The following CAST variants were observed in gnomAD, a reference collection of about 807,000 sequenced individuals.
The protein encoded by CAST is calpastatin, also known as MIR583 host.
In CAST, 76 loss-of-function variants were observed where a neutral mutation model predicts 119.6. That is an observed-to-expected ratio of 0.64 (90% CI 0.53 to 0.77). The LOEUF is 0.77. Ranked by LOEUF, CAST falls within the 30% of genes least tolerant of loss-of-function variation. The probability of loss-of-function intolerance (pLI) is 0.00; values close to 1 mark genes in which losing one functional copy is unlikely to be tolerated. For missense variants in CAST, 953 were observed against 946.5 expected (o/e 1.01, Z -0.09); for synonymous variants, 319 against 331.6 (o/e 0.96, Z 0.41).
chr5:96,403,679 A>T, the CAST span, among the ~76,000 whole-genome samples: 1 of 152,342 alleles, frequency 6.6e-6, no homozygotes, highest in East Asian at 1.9e-4. Flanking sequence ...ATTAGAAGAG[A>T]TGTAGGTAAT....
chr5:96,737,406 T>C (rs1488648082), intron 10 of CAST, among the ~76,000 whole-genome samples: 6 of 152,222 alleles, frequency 3.9e-5, no homozygotes, highest in Non-Finnish European at 8.8e-5. Flanking sequence ...ATAGAGATTT[T>C]TAGGGGTTCT....
the CAST span, among the ~76,000 whole-genome samples, chr5:96,401,549 T>C: frequency 1.3e-5 from 2 of 152,202 alleles, no homozygotes; most frequent in African/African-American, 2.4e-5. Context: ...AGCAACACTA[T>C]AAAGATAAAT....
chr5:96,233,161 T>C, the CAST span, among the ~76,000 whole-genome samples: 1 of 152,078 alleles, frequency 6.6e-6, no homozygotes, highest in African/African-American at 2.4e-5. Context: ...AAAATGCAAA[T>C]TGCTATATGT....
At chr5:96,762,196 G>A (rs773486422) in intron 24 of CAST, 78 bp from the exon 25 acceptor site, 40 of 789,978 alleles carry the variant, frequency 5.1e-5, no homozygotes, top group Non-Finnish European at 7.9e-5. Context: ...CTATCTTTAA[G>A]AGTTATAGTT....
chr5:96,580,738 C>A (rs1051290861), intron 1 of CAST, among the ~76,000 whole-genome samples: 2 of 152,172 alleles, frequency 1.3e-5, no homozygotes, highest in African/African-American at 4.8e-5. Context: ...AAGAGAATCA[C>A]TGAAAAATGA....
At chr5:96,509,959 C>A in the CAST span, among the ~76,000 whole-genome samples, 1 of 152,032 alleles carries the variant, frequency 6.6e-6, no homozygotes, top group Admixed American at 6.6e-5. Context: ...AGGAAAGAAA[C>A]AGCAATAAAG....
At chr5:96,317,726 A>C in the CAST span, among the ~76,000 whole-genome samples, 3 of 152,272 alleles carry the variant, frequency 2.0e-5, no homozygotes, top group Admixed American at 2.0e-4. Flanking sequence ...AGAAGCCCTG[A>C]CTTGGCATTT....
intron 1 of CAST, among the ~76,000 whole-genome samples, chr5:96,541,173 A>C (rs1038203712): frequency 6.6e-6 from 1 of 152,164 alleles, no homozygotes; most frequent in African/African-American, 2.4e-5. Flanking sequence ...GAAATCGTTT[A>C]TGTGTATCAT....
the CAST span, among the ~76,000 whole-genome samples, chr5:96,377,313 T>C: frequency 1.3e-5 from 2 of 152,190 alleles, no homozygotes; most frequent in Non-Finnish European, 2.9e-5. Flanking sequence ...AAGTCTACAG[T>C]AGTGTACAGT....
At chr5:96,323,005 G>A in the CAST span, among the ~76,000 whole-genome samples, 1 of 152,100 alleles carries the variant, frequency 6.6e-6, no homozygotes, top group African/African-American at 2.4e-5. Flanking sequence ...GTGAGTATAC[G>A]GTGGCATGAA....
chr5:96,000,175 T>G, the CAST span, among the ~76,000 whole-genome samples: 1 of 152,292 alleles, frequency 6.6e-6, no homozygotes, highest in African/African-American at 2.4e-5. Context: ...ATATGTGTTT[T>G]GCAAATACCT....
chr5:96,644,502 T>C (rs1278508343), intron 1 of CAST, among the ~76,000 whole-genome samples: 1 of 152,234 alleles, frequency 6.6e-6, no homozygotes, highest in African/African-American at 2.4e-5. Context: ...AAACATAAAA[T>C]TGTTTTTCTT....
chr5:96,287,700 C>T, the CAST span, among the ~76,000 whole-genome samples: 2 of 151,982 alleles, frequency 1.3e-5, no homozygotes, highest in Non-Finnish European at 2.9e-5. Flanking sequence ...AAAGTCCAGA[C>T]ACATCTAATA....
At chr5:96,538,331 A>G (rs1338258347) in intron 1 of CAST, among the ~76,000 whole-genome samples, 1 of 152,210 alleles carries the variant, frequency 6.6e-6, no homozygotes, top group East Asian at 1.9e-4. Flanking sequence ...ACGTAGCAAT[A>G]TGTGGATATG....
chr5:96,730,880 CGGAA>C lies in CAST; in HGVS notation c.630+21_630+24del, dbSNP rs762331211. The C allele has an allele frequency of 3.8e-6, 6 of 1,568,414 alleles. No homozygotes were observed. The African/African-American group carries it at 8.1e-5, about 21-fold the overall frequency. On this transcript the variant is annotated intron_variant, in intron 9 of 31. Transcript: ENST00000675179. The stretch of plus-strand genomic sequence containing the variant: ...GACAAGGTGAGCACACACAAGCAGA[CGGAA>C]ACGTGGGCCTCTGTGCTTCTCAAGT...
the CAST span, among the ~76,000 whole-genome samples, chr5:96,473,485 A>G: frequency 1.5e-4 from 23 of 152,256 alleles, no homozygotes; most frequent in Admixed American, 1.5e-3. Flanking sequence ...AGTCATTGAG[A>G]ATCCAGGGTC....
chr5:96,385,711 C>T, the CAST span, among the ~76,000 whole-genome samples: 6 of 152,174 alleles, frequency 3.9e-5, no homozygotes, highest in African/African-American at 1.4e-4. Flanking sequence ...ATACTCTGTT[C>T]ATGGAGCAGA....
chr5:96,695,213 CT>C (rs1753137599), intron 2 of CAST, among the ~76,000 whole-genome samples: 1 of 152,152 alleles, frequency 6.6e-6, no homozygotes, highest in Non-Finnish European at 1.5e-5. Context: ...TATCTTGTTA[CT>C]CATGGTATTT....
chr5:96,164,147 T>A, the CAST span, among the ~76,000 whole-genome samples: 6 of 152,358 alleles, frequency 3.9e-5, no homozygotes, highest in South Asian at 1.2e-3. Context: ...CTCTCTCACA[T>A]ACATATGTTT....
Sources: allele counts gnomAD v4.1 joint callset (sites outside exome capture counted in the v4.1 genomes callset), GRCh38; gene constraint gnomAD v4.1.1; transcripts MANE v1.5; gene names NCBI Gene and HGNC (gene_info 2026-07-23, HGNC 2026-07-21).